The following TNIK variants were observed in gnomAD, a reference collection of about 807,000 sequenced individuals.
TNIK encodes TRAF2 and NCK interacting kinase, also known as TRAF2 and NCK-interacting protein kinase.
In TNIK, 49 loss-of-function variants were observed where a neutral mutation model predicts 191.3. That is an observed-to-expected ratio of 0.26 (90% confidence interval 0.20 to 0.32). The LOEUF is 0.32. TNIK is among the 10% of genes least tolerant of loss of function. The probability of loss-of-function intolerance (pLI) is 1.00; values close to 1 mark genes in which losing one functional copy is unlikely to be tolerated. For missense variants in TNIK, 1,155 were observed against 1,702.3 expected, an observed-to-expected ratio of 0.68 and a Z score of 5.66; for synonymous variants, 594 against 600.9, an observed-to-expected ratio of 0.99 and a Z score of 0.17.
chr3:171,268,200 C>T (rs1046002032), intron 2 of TNIK, among the ~76,000 whole-genome samples: 3 of 152,152 alleles, frequency 2.0e-5, no homozygotes, highest in African/African-American at 7.2e-5. Context: ...AATCCTCTTC[C>T]CAACCAGGCC....
chr3:171,109,797 A>G lies in TNIK; in HGVS notation c.2284+917T>C, dbSNP rs532012687. Among the ~76,000 whole-genome samples the G allele has an allele frequency of 9.8e-5, 15 of 152,364 alleles. No homozygotes were observed. The South Asian group carries it at 2.7e-3, about 27-fold the overall frequency. On this transcript the variant is annotated intron_variant, in intron 19 of 32. Transcript: ENST00000436636. ...TATGTATCAGCACCTGGAAATAATA[A>G]TGTTTTTCATAGGCCTCCCCATTAC...
intron 2 of TNIK, among the ~76,000 whole-genome samples, chr3:171,246,287 A>T (rs200091746): frequency 0.017 from 2,032 of 121,062 alleles, 37 homozygotes; most frequent in African/African-American, 0.054. Context: ...AGAACCAGAT[A>T]AAAAAAAAAA....
In TNIK at chr3:171,291,109, C is replaced by T. The variant is rs369022236; in HGVS notation, c.124-62888G>A. ...ACTTAGAGTTCATACTGCACCACTT[C>T]ACAGAAAACGTGCAAACCTTAACCA... On this transcript the variant is annotated intron_variant, in intron 2 of 32. Transcript: ENST00000436636. Among the ~76,000 whole-genome samples, 104 of 152,230 alleles carry T rather than the reference C, an allele frequency of 6.8e-4. 1 individual carries two copies. The South Asian group carries it at 0.021, about 31-fold the overall frequency.
At chr3:171,348,531 C>T (rs570614819) in intron 2 of TNIK, among the ~76,000 whole-genome samples, 2 of 152,100 alleles carry the variant, frequency 1.3e-5, no homozygotes, top group Admixed American at 1.3e-4. Context: ...TTGCAGTCAA[C>T]AAAAAATTAT....
chr3:171,407,131 T>G (rs1363448418), intron 1 of TNIK, among the ~76,000 whole-genome samples: 1 of 151,872 alleles, frequency 6.6e-6, no homozygotes, highest in Non-Finnish European at 1.5e-5. Flanking sequence ...TCCACTGGTA[T>G]GTGGGTGAAA....
intron 2 of TNIK, among the ~76,000 whole-genome samples, chr3:171,279,352 A>T (rs1436316711): frequency 6.6e-6 from 1 of 152,160 alleles, no homozygotes; most frequent in Admixed American, 6.5e-5. Context: ...TATATTTTTA[A>T]TATCTTCATT....
At chr3:171,408,811 C>T (rs1343502722) in intron 1 of TNIK, among the ~76,000 whole-genome samples, 2 of 152,152 alleles carry the variant, frequency 1.3e-5, no homozygotes, top group South Asian at 2.1e-4. Flanking sequence ...ATATCAGGCG[C>T]CTCAACTGCA....
At chr3:171,317,895 A>G (rs1426190765) in intron 2 of TNIK, among the ~76,000 whole-genome samples, 1 of 152,138 alleles carries the variant, frequency 6.6e-6, no homozygotes, top group Non-Finnish European at 1.5e-5. Flanking sequence ...GGAACTTGAG[A>G]ATATATTGAA....
intron 1 of TNIK, among the ~76,000 whole-genome samples, chr3:171,414,325 T>C (rs957888453): frequency 4.9e-4 from 74 of 152,380 alleles, no homozygotes; most frequent in African/African-American, 1.5e-3. Context: ...TGAGGTTCTT[T>C]CAGGTGCATT....
At chr3:171,240,614 A>G (rs1353679913) in intron 2 of TNIK, among the ~76,000 whole-genome samples, 2 of 151,954 alleles carry the variant, frequency 1.3e-5, no homozygotes, top group African/African-American at 4.8e-5. Context: ...CTTTCCTCCA[A>G]TGTACCATGG....
At chr3:171,438,881 C>T (rs999932165) in intron 1 of TNIK, among the ~76,000 whole-genome samples, 1 of 152,146 alleles carries the variant, frequency 6.6e-6, no homozygotes, top group Non-Finnish European at 1.5e-5. Flanking sequence ...AGCCTCATTC[C>T]AACCCTGTCA....
At position 171,101,888 on chromosome 3, in the gene TNIK, T is replaced by G. The variant is rs149392892; in HGVS notation, c.2407-255A>C. The G allele has an allele frequency of 1.1e-3, 439 of 385,614 alleles. 2 individuals are homozygous for G. The highest frequency in any genetic ancestry group is 8.3e-3 in the African/African-American group (398 of 47,670). 23.9% of individuals were successfully genotyped at this position (385,614 alleles called of 1,614,324 possible). A position where few individuals can be genotyped will look rare whatever the true frequency, so the allele number is the denominator to read the frequency against. ...GACTGTTCAGTCCTGAATATATATGTGTACATATGTGTATGTACACATATA... is the reference window on the plus strand; with the variant it reads ...GACTGTTCAGTCCTGAATATATATGGGTACATATGTGTATGTACACATATA... On this transcript the variant is annotated intron_variant, in intron 21 of 32. Transcript: ENST00000436636.
intron 1 of TNIK, among the ~76,000 whole-genome samples, chr3:171,386,176 T>C (rs1416778914): frequency 4.6e-5 from 7 of 152,046 alleles, no homozygotes; most frequent in African/African-American, 7.2e-5. Flanking sequence ...AACAAGAAAA[T>C]ATTTATAAGT....
intron 3 of TNIK, among the ~76,000 whole-genome samples, chr3:171,219,842 C>T (rs752764216): frequency 2.0e-5 from 3 of 152,094 alleles, no homozygotes; most frequent in Non-Finnish European, 2.9e-5. Flanking sequence ...GGCAATTCCT[C>T]AAGGATCTAG....
At chr3:171,181,750 G>C (rs376263626) in intron 7 of TNIK, among the ~76,000 whole-genome samples, 179 of 152,312 alleles carry the variant, frequency 1.2e-3, no homozygotes, top group African/African-American at 4.1e-3. Context: ...CAGAAAGCTA[G>C]GAGCTTCGGT....
At chr3:171,253,148 G>A (rs1172750665) in intron 2 of TNIK, among the ~76,000 whole-genome samples, 2 of 151,838 alleles carry the variant, frequency 1.3e-5, no homozygotes, top group Non-Finnish European at 2.9e-5. Flanking sequence ...GCCGGGCGTG[G>A]TGGCAGGTGC....
Position 171,279,283 on chromosome 3 carries a change from T to G in TNIK, c.124-51062A>C, listed in dbSNP as rs150744755. ...ATCCTCCTATAAAGTGTTTATAGTT[T>G]GCTTTTTTCTATTTACTTTGTTTTC... On this transcript the variant is annotated intron_variant, in intron 2 of 32. Coordinates refer to ENST00000436636, the MANE Select transcript of TNIK (RefSeq NM_015028.4). Among the ~76,000 whole-genome samples, 116 of 152,338 alleles carry G rather than the reference T, an allele frequency of 7.6e-4. 2 individuals carry two copies. The East Asian group carries it at 0.02, about 27-fold the overall frequency.
rs756284288 is a variant in TNIK at position 171,085,165 on chromosome 3, G to A, written c.2951C>T (p.Thr984Met). 1.2e-5 allele frequency: 19 copies of A among 1,611,876 alleles called. No individual in the cohort carries two copies. The highest frequency in any genetic ancestry group is 2.7e-5 in the African/African-American group (2 of 74,874). The change falls in exon 25 of 33, where the codon ACG (threonine) becomes ATG (methionine). Residue 984 changes from threonine (T) to methionine (M), a missense_variant. By Grantham distance (81) the Thr-to-Met change is moderately conservative. Around this residue, in one of 3 missense-constraint regions of TNIK, gnomAD observed 735 missense variants for 848.0 expected, o/e 0.87. Transcript: ENST00000436636. ...TPFVDPRVYQ[T>M]SPTDEDEEDE... ...CTCTTCATCTTCATCAGTGGGAGAC[G>A]TCTGGTATACTCTGGGGTCCACAAA...
intron 2 of TNIK, among the ~76,000 whole-genome samples, chr3:171,343,728 A>G (rs2108410855): frequency 6.6e-6 from 1 of 152,324 alleles, no homozygotes; most frequent in Non-Finnish European, 1.5e-5. Context: ...CTCTAGAGTT[A>G]TATATCCTAA....
Sources: allele counts gnomAD v4.1 joint callset (sites outside exome capture counted in the v4.1 genomes callset), GRCh38; gene constraint gnomAD v4.1.1; regional missense constraint gnomAD v4.1.1; transcripts MANE v1.5; gene names NCBI Gene and HGNC (gene_info 2026-07-23, HGNC 2026-07-21).